The following LRP1B variants were observed in gnomAD, a reference collection of about 807,000 sequenced individuals.
LRP1B encodes the protein low-density lipoprotein receptor-related protein 1B.
LRP1B carries 217 observed loss-of-function variants against 556.6 expected under a neutral mutation model. The observed-to-expected ratio is 0.39, with a 90% CI of 0.35 to 0.44. The LOEUF (loss-of-function observed/expected upper bound fraction) is 0.44. Among genes scored for constraint, LRP1B ranks in the 20% least tolerant of loss-of-function variants. The pLI is 1.00. For synonymous variants in LRP1B, 2,047 were observed against 1,865.8 expected, an observed-to-expected ratio of 1.10 and a Z score of -2.50; for missense variants, 5,053 against 5,620.8, an observed-to-expected ratio of 0.90 and a Z score of 3.23.
chr2:140,938,939 G>A (rs1045454199), intron 20 of LRP1B, among the ~76,000 whole-genome samples: 4 of 152,042 alleles, frequency 2.6e-5, no homozygotes, highest in East Asian at 3.9e-4. Flanking sequence ...ATGGAAGACA[G>A]CCTGTCAGTT....
intron 7 of LRP1B, among the ~76,000 whole-genome samples, chr2:141,159,026 G>A (rs1003806234): frequency 6.6e-6 from 1 of 152,078 alleles, no homozygotes; most frequent in African/African-American, 2.4e-5. Flanking sequence ...ATTCTTCACA[G>A]TGCTTTATAA....
intron 35 of LRP1B, among the ~76,000 whole-genome samples, chr2:140,731,846 T>C (rs990945905): frequency 2.0e-5 from 3 of 151,328 alleles, no homozygotes; most frequent in Admixed American, 6.6e-5. Context: ...TGGTAAAATA[T>C]TAAAATCATG....
At chr2:140,967,984 A>C (rs1233169804) in intron 18 of LRP1B, among the ~76,000 whole-genome samples, 108 of 83,610 alleles carry the variant, frequency 1.3e-3, no homozygotes, top group African/African-American at 3.8e-3. Context: ...TTCATCAAGG[A>C]TATTGGTCTA....
At chr2:141,292,441 T>C (rs1464214488) in intron 3 of LRP1B, among the ~76,000 whole-genome samples, 3 of 151,952 alleles carry the variant, frequency 2.0e-5, no homozygotes, top group Non-Finnish European at 4.4e-5. Context: ...GCAATAATAA[T>C]GGTAGCTGGG....
chr2:140,451,634 T>A lies in LRP1B; in HGVS notation c.9964-973A>T, dbSNP rs148289582. Reference sequence around the variant, plus strand: ...ATGATGAGTATGGGCCCCACATAAATTTTAAGAATATCTCTTTAAAGCAGT... The same window carrying A: ...ATGATGAGTATGGGCCCCACATAAAATTTAAGAATATCTCTTTAAAGCAGT... On this transcript the variant is annotated intron_variant, in intron 62 of 90. Transcript: ENST00000389484. 4.3e-3 allele frequency among the ~76,000 whole-genome samples: 657 copies of A among 152,256 alleles called. 6 individuals carry two copies. The highest frequency in any genetic ancestry group is 0.015 in the African/African-American group (640 of 41,564).
intron 1 of LRP1B, among the ~76,000 whole-genome samples, chr2:142,099,335 G>A (rs908544087): frequency 6.6e-6 from 1 of 151,782 alleles, no homozygotes; most frequent in East Asian, 1.9e-4. Context: ...TTAAAATGAT[G>A]ACCAGGAGGC....
intron 2 of LRP1B, among the ~76,000 whole-genome samples, chr2:141,665,123 T>G (rs1318439635): frequency 3.3e-5 from 5 of 152,106 alleles, no homozygotes; most frequent in Non-Finnish European, 7.4e-5. Flanking sequence ...CCCTATTTAA[T>G]AAATGGTGCA....
intron 47 of LRP1B, among the ~76,000 whole-genome samples, chr2:140,531,187 C>T (rs1690675882): frequency 6.6e-6 from 1 of 152,056 alleles, no homozygotes; most frequent in Admixed American, 6.6e-5. Context: ...GCCTTAAAAT[C>T]TATTTTCTGT....
At chr2:140,571,327 A>G (rs1681313725) in intron 43 of LRP1B, among the ~76,000 whole-genome samples, 1 of 151,870 alleles carries the variant, frequency 6.6e-6, no homozygotes, top group Admixed American at 6.6e-5. Flanking sequence ...GAATAAAATG[A>G]TTAAAATACA....
intron 3 of LRP1B, among the ~76,000 whole-genome samples, chr2:141,299,302 T>C (rs1465335164): frequency 6.6e-6 from 1 of 152,202 alleles, no homozygotes; most frequent in Admixed American, 6.5e-5. Context: ...TTTCACTATC[T>C]GCAATTTTAT....
intron 20 of LRP1B, among the ~76,000 whole-genome samples, chr2:140,931,701 T>G (rs1368657540): frequency 6.6e-6 from 1 of 152,140 alleles, no homozygotes; most frequent in Admixed American, 6.6e-5. Context: ...AAGCAAAATC[T>G]ACATAAAACA....
intron 3 of LRP1B, among the ~76,000 whole-genome samples, chr2:141,432,515 T>C (rs913340204): frequency 7.9e-5 from 12 of 152,098 alleles, no homozygotes; most frequent in African/African-American, 2.9e-4. Flanking sequence ...CTGGTATTAA[T>C]TCTTCTTTAA....
chr2:141,041,569 G>A (rs1698698768), intron 11 of LRP1B, among the ~76,000 whole-genome samples: 1 of 152,006 alleles, frequency 6.6e-6, no homozygotes, highest in Non-Finnish European at 1.5e-5. Context: ...TACATTTAGA[G>A]TACCTCCAGA....
At chr2:141,251,565 T>C (rs901670061) in intron 4 of LRP1B, among the ~76,000 whole-genome samples, 1 of 152,104 alleles carries the variant, frequency 6.6e-6, no homozygotes, top group Non-Finnish European at 1.5e-5. Context: ...AGTGGAAATG[T>C]AGTGCTTAAA....
At chr2:140,521,855 A>T (rs1267408891) in intron 49 of LRP1B, among the ~76,000 whole-genome samples, 1 of 152,110 alleles carries the variant, frequency 6.6e-6, no homozygotes, top group Non-Finnish European at 1.5e-5. Context: ...AAACAAAAAA[A>T]GAGCAGTATT....
chr2:141,035,153 A>T (rs1476750544), intron 11 of LRP1B, among the ~76,000 whole-genome samples: 1 of 151,910 alleles, frequency 6.6e-6, no homozygotes, highest in East Asian at 1.9e-4. Context: ...GGAATTGAAC[A>T]ATGAGAACAC....
intron 2 of LRP1B, among the ~76,000 whole-genome samples, chr2:141,570,177 A>G (rs1686476793): frequency 6.6e-6 from 1 of 151,068 alleles, no homozygotes; most frequent in Non-Finnish European, 1.5e-5. Flanking sequence ...AAGTGTGTGA[A>G]TCCTTCACCC....
rs182205340 is a variant in LRP1B at position 140,315,761 on chromosome 2, T to C, written c.12641-662A>G. ...TACATTTATAGCATATGCACACACATACACACACTATTTGTTCTATAGCCT... is the reference window on the plus strand; with the variant it reads ...TACATTTATAGCATATGCACACACACACACACACTATTTGTTCTATAGCCT... On this transcript the variant is annotated intron_variant, in intron 82 of 90. Coordinates refer to ENST00000389484, the MANE Select transcript of LRP1B (RefSeq NM_018557.3). Among the ~76,000 whole-genome samples the C allele has an allele frequency of 2.0e-5, 3 of 152,310 alleles. No homozygotes were observed. The East Asian group carries it at 5.8e-4, about 29-fold the overall frequency.
At chr2:141,643,267 T>C (rs1689414292) in intron 2 of LRP1B, among the ~76,000 whole-genome samples, 1 of 151,928 alleles carries the variant, frequency 6.6e-6, no homozygotes. Context: ...ATAATTAAGG[T>C]AACAGAAGCA....
Sources: allele counts gnomAD v4.1 joint callset (sites outside exome capture counted in the v4.1 genomes callset), GRCh38; gene constraint gnomAD v4.1.1; transcripts MANE v1.5; gene names NCBI Gene and HGNC (gene_info 2026-07-23, HGNC 2026-07-21).